LTBP1: variants seen among roughly 807,000 people sequenced by gnomAD.
LTBP1 encodes latent transforming growth factor beta binding protein 1.
Under a neutral mutation model 207.6 loss-of-function variants are expected in LTBP1, and 129 were observed. The ratio of observed to expected loss-of-function variants is 0.62; its 90% CI spans 0.54 to 0.72. The LOEUF is 0.72. Ranked by LOEUF, LTBP1 falls within the 30% of genes least tolerant of loss-of-function variation. LTBP1 has a pLI of 0.00. For missense variants in LTBP1, 2,281 were observed against 2,217.2 expected (o/e 1.03, Z -0.58); for synonymous variants, 963 against 833.7 (o/e 1.16, Z -2.67).
chr2:33,077,195 G>T lies in LTBP1; in HGVS notation c.864-33387G>T, dbSNP rs377350952. 4.1e-4 allele frequency among the ~76,000 whole-genome samples: 63 copies of T among 152,318 alleles called. No homozygotes were observed. The South Asian group carries it at 0.013, about 31-fold the overall frequency. The stretch of plus-strand genomic sequence containing the variant: ...TGGGCAGTGCTATGCTAATCAATGG[G>T]AAGGTTGTTGTATTGCTGCTTTAAA... On this transcript the variant is annotated intron_variant, in intron 3 of 33. Transcript: ENST00000404816.
chr2:33,290,560 C>T (rs577458675), intron 19 of LTBP1, among the ~76,000 whole-genome samples: 31 of 152,232 alleles, frequency 2.0e-4, no homozygotes, highest in African/African-American at 7.0e-4. Context: ...ATTAGAGAAG[C>T]CAAGTCTTAG....
At chr2:33,322,828 G>A (rs780363724) in intron 24 of LTBP1, among the ~76,000 whole-genome samples, 1 of 152,188 alleles carries the variant, frequency 6.6e-6, no homozygotes. Flanking sequence ...GTTTCTGACC[G>A]TTCTTTCTCA....
chr2:33,269,965 C>CTTT (rs35142617), intron 15 of LTBP1, among the ~76,000 whole-genome samples: 3 of 129,792 alleles, frequency 2.3e-5, no homozygotes, highest in African/African-American at 2.8e-5. Flanking sequence ...TGATATTCAA[C>CTTT]TTTTTTTTTT....
At chr2:32,955,923 G>T (rs988909629) in intron 2 of LTBP1, among the ~76,000 whole-genome samples, 21 of 152,160 alleles carry the variant, frequency 1.4e-4, no homozygotes, top group Non-Finnish European at 2.8e-4. Context: ...GGAGGGTTCA[G>T]TTCCAGCAAA....
chr2:33,361,252 A>G (rs1325221089), intron 27 of LTBP1, among the ~76,000 whole-genome samples, 177 bp from the exon 28 acceptor site: 1 of 152,088 alleles, frequency 6.6e-6, no homozygotes, highest in African/African-American at 2.4e-5. Context: ...GTGTAAGAAA[A>G]CCTATGAAGT....
chr2:33,310,979 TA>T (rs2094177595), intron 23 of LTBP1, among the ~76,000 whole-genome samples: 1 of 151,994 alleles, frequency 6.6e-6, no homozygotes, highest in African/African-American at 2.4e-5. Flanking sequence ...CATAAATAAA[TA>T]AAAAAAATTG....
At chr2:33,152,489 A>T (rs960178485) in intron 5 of LTBP1, among the ~76,000 whole-genome samples, 1 of 152,232 alleles carries the variant, frequency 6.6e-6, no homozygotes. Flanking sequence ...TAGTATAGCC[A>T]CTATAGAAAA....
chr2:33,375,242 G>C (rs10495787), intron 31 of LTBP1, among the ~76,000 whole-genome samples: 63,043 of 152,054 alleles, frequency 0.41, 16,103 homozygotes, highest in African/African-American at 0.73. Flanking sequence ...GCGCCATAGC[G>C]AAAGGCGTTA....
chr2:33,256,720 C>G (rs1313118190), intron 11 of LTBP1, among the ~76,000 whole-genome samples: 7 of 64,744 alleles, frequency 1.1e-4, no homozygotes, highest in Non-Finnish European at 2.0e-4. Flanking sequence ...GGATGGAGGG[C>G]TAACTATATA....
chr2:33,006,529 C>T (rs867633147), intron 2 of LTBP1, among the ~76,000 whole-genome samples: 1 of 151,480 alleles, frequency 6.6e-6, no homozygotes, highest in Admixed American at 6.6e-5. Flanking sequence ...AGTACAGGCA[C>T]CTAGCCACCA....
At chr2:32,991,719 A>G (rs1684447032) in intron 2 of LTBP1, among the ~76,000 whole-genome samples, 1 of 152,174 alleles carries the variant, frequency 6.6e-6, no homozygotes, top group Admixed American at 6.5e-5. Flanking sequence ...CTGTTTGGAA[A>G]TGACCTAGGA....
intron 12 of LTBP1, among the ~76,000 whole-genome samples, 167 bp downstream of exon 12, chr2:33,257,678 T>G (rs902677085): frequency 2.6e-5 from 4 of 152,252 alleles, no homozygotes; most frequent in Admixed American, 6.5e-5. Context: ...GTAAAATGTT[T>G]AGCCACTGCT....
In LTBP1 at chr2:32,947,303, G is replaced by T; in HGVS notation, c.-22G>T. ...GAGGGGGCCGGACCGCGCGCGACCG[G>T]TCGCGCCCGCTGGGGCCCGCGATGG... is the stretch of plus-strand genomic sequence containing the variant. On this transcript the variant is annotated 5_prime_UTR_variant, in exon 1 of 34. Transcript: ENST00000404816. 3 of 1,222,678 alleles carry T rather than the reference G, an allele frequency of 2.5e-6. No homozygotes were observed. Among genetic ancestry groups the T allele is most frequent in the Non-Finnish European group, 3.1e-6 (3 of 981,964 alleles). 75.7% of individuals were successfully genotyped at this position (1,222,678 alleles called of 1,614,324 possible). A position where few individuals can be genotyped will look rare whatever the true frequency, so the allele number is the denominator to read the frequency against.
rs758729137 is a variant in LTBP1, at chr2:32,984,660, G to A, written c.565+35715G>A. On this transcript the variant is annotated intron_variant, in intron 2 of 33. Coordinates refer to ENST00000404816, the MANE Select transcript of LTBP1 (RefSeq NM_206943.4). ...TTCTGGGCCAGGCGCGGTGGCTCAC[G>A]CCTGTAATCCCAGCACTTTGGAGGC... 3.3e-5 allele frequency among the ~76,000 whole-genome samples: 5 copies of A among 152,220 alleles called. No individual in the cohort carries two copies. The East Asian group carries it at 5.8e-4, about 18-fold the overall frequency.
chr2:32,977,671 A>G (rs1233960817), intron 2 of LTBP1, among the ~76,000 whole-genome samples: 1 of 152,190 alleles, frequency 6.6e-6, no homozygotes, highest in Non-Finnish European at 1.5e-5. Flanking sequence ...CCAGTCCTGC[A>G]CAGGTCCTTG....
At position 33,277,416 on chromosome 2, in the gene LTBP1, C is replaced by T. The variant is rs796073191; in HGVS notation, c.2992+1493C>T. On this transcript the variant is annotated intron_variant, in intron 18 of 33. Transcript: ENST00000404816. The stretch of plus-strand genomic sequence containing the variant: ...TGCAGCGTGGGAGCAGCTCACCACG[C>T]CCACAGTAACTGCCTGACCTGTAGC... Among the ~76,000 whole-genome samples the T allele has an allele frequency of 6.0e-4, 91 of 152,270 alleles. 2 individuals are homozygous for T. The highest frequency in any genetic ancestry group is 2.1e-3 in the African/African-American group (89 of 41,550).
At chr2:33,357,139 G>A (rs572216561) in intron 26 of LTBP1, among the ~76,000 whole-genome samples, 41 of 152,294 alleles carry the variant, frequency 2.7e-4, no homozygotes, top group African/African-American at 9.6e-4. Context: ...CCTAAGATTA[G>A]ACATGTATGG....
intron 28 of LTBP1, among the ~76,000 whole-genome samples, chr2:33,362,235 T>A (rs1267307759): frequency 1.3e-5 from 2 of 152,190 alleles, no homozygotes. Context: ...GCTAAGTAGC[T>A]GGGAAACACA....
At chr2:33,121,157 G>GTATTT (rs1339423250) in intron 4 of LTBP1, among the ~76,000 whole-genome samples, 1 of 49,614 alleles carries the variant, frequency 2.0e-5, no homozygotes, top group Non-Finnish European at 3.9e-5. Flanking sequence ...ATTTTGTAAA[G>GTATTT]TCTTTTTTTT....
Sources: allele counts gnomAD v4.1 joint callset (sites outside exome capture counted in the v4.1 genomes callset), GRCh38; gene constraint gnomAD v4.1.1; transcripts MANE v1.5; gene names NCBI Gene and HGNC (gene_info 2026-07-23, HGNC 2026-07-21).